Variants in MYRIP observed in about 807,000 individuals in gnomAD.
The protein encoded by MYRIP is rab effector MyRIP.
A neutral mutation model predicts 98.0 loss-of-function variants in MYRIP; 49 were observed. The observed-to-expected ratio is 0.50, with a 90% confidence interval of 0.40 to 0.63. The LOEUF is 0.63. Among genes scored for constraint, MYRIP ranks in the 30% least tolerant of loss-of-function variants. The probability of loss-of-function intolerance (pLI) is 0.00; values close to 1 mark genes in which losing one functional copy is unlikely to be tolerated. For missense variants in MYRIP, 1,004 were observed against 1,058.2 expected (o/e 0.95, Z 0.71); for synonymous variants, 404 against 409.5 (o/e 0.99, Z 0.16).
chr3:40,099,461 G>A (rs765225285), intron 3 of MYRIP, among the ~76,000 whole-genome samples: 14 of 152,142 alleles, frequency 9.2e-5, no homozygotes, highest in Non-Finnish European at 1.5e-4. Flanking sequence ...AAGATACTGA[G>A]GTTCATAGAA....
chr3:39,959,345 A>G (rs1418106978), intron 2 of MYRIP, among the ~76,000 whole-genome samples: 1 of 151,970 alleles, frequency 6.6e-6, no homozygotes, highest in Non-Finnish European at 1.5e-5. Flanking sequence ...ATGCAGCCAT[A>G]CAAAAGGATG....
chr3:40,087,963 G>A (rs1948661938), intron 3 of MYRIP, among the ~76,000 whole-genome samples: 1 of 152,178 alleles, frequency 6.6e-6, no homozygotes, highest in African/African-American at 2.4e-5. Flanking sequence ...GGGACAGACA[G>A]GAGACCCTAT....
intron 12 of MYRIP, among the ~76,000 whole-genome samples, chr3:40,238,354 A>C (rs1049947013): frequency 6.6e-6 from 1 of 152,190 alleles, no homozygotes; most frequent in African/African-American, 2.4e-5. Context: ...GCAGTGGGAG[A>C]AGCCAGGGCA....
At chr3:39,815,713 C>T (rs1044170543) in intron 1 of MYRIP, among the ~76,000 whole-genome samples, 2 of 152,124 alleles carry the variant, frequency 1.3e-5, no homozygotes, top group Admixed American at 6.5e-5. Context: ...GAATATTACA[C>T]TGCCTAGGGC....
chr3:39,826,352 A>ACGTT (rs1221519663), intron 1 of MYRIP, among the ~76,000 whole-genome samples: 1 of 151,860 alleles, frequency 6.6e-6, no homozygotes, highest in Non-Finnish European at 1.5e-5. Flanking sequence ...AGGTTTTGAT[A>ACGTT]CGTTGTGTTT....
intron 3 of MYRIP, among the ~76,000 whole-genome samples, chr3:40,073,389 C>T (rs1337533942): frequency 6.6e-6 from 1 of 152,200 alleles, no homozygotes. Context: ...TCGGACTCTT[C>T]CTGCCTCTGT....
chr3:40,070,932 T>A (rs1314583227), intron 3 of MYRIP, among the ~76,000 whole-genome samples: 2 of 152,176 alleles, frequency 1.3e-5, no homozygotes, highest in African/African-American at 4.8e-5. Flanking sequence ...TTCTATGTGG[T>A]GGATTATTGT....
At chr3:40,219,300 T>G (rs1219251120) in intron 11 of MYRIP, among the ~76,000 whole-genome samples, 1 of 152,194 alleles carries the variant, frequency 6.6e-6, no homozygotes, top group Admixed American at 6.6e-5. Flanking sequence ...AATATATGAT[T>G]GCATAAATAT....
intron 1 of MYRIP, among the ~76,000 whole-genome samples, chr3:39,867,937 G>A (rs1478953484): frequency 6.6e-6 from 1 of 152,172 alleles, no homozygotes; most frequent in Non-Finnish European, 1.5e-5. Flanking sequence ...GAAAAGGTGA[G>A]ATTGATATCA....
chr3:40,113,936 G>A (rs760045227), intron 3 of MYRIP, among the ~76,000 whole-genome samples: 8 of 152,014 alleles, frequency 5.3e-5, no homozygotes, highest in South Asian at 2.1e-4. Context: ...TGACCCGCCC[G>A]CCTTGGCCTC....
rs146926655 is a variant in MYRIP at position 40,030,767 on chromosome 3, G to T, written c.111-13283G>T. The stretch of plus-strand genomic sequence containing the variant: ...TTACTTCATTTATATAAAATGTTCA[G>T]AATAGGCAAACTCATAGAAACAGAA... On this transcript the variant is annotated intron_variant, in intron 2 of 16. Transcript: ENST00000302541. 5.0e-3 allele frequency among the ~76,000 whole-genome samples: 764 copies of T among 152,164 alleles called. 2 individuals carry two copies. Among genetic ancestry groups the T allele is most frequent in the Middle Eastern group, 0.027 (8 of 294 alleles).
chr3:39,813,310 G>A (rs1940764704), intron 1 of MYRIP, among the ~76,000 whole-genome samples: 1 of 152,146 alleles, frequency 6.6e-6, no homozygotes, highest in Non-Finnish European at 1.5e-5. Flanking sequence ...TATGGAGAAG[G>A]CTAAGTGGAC....
chr3:39,976,655 A>G (rs1330929007), intron 2 of MYRIP, among the ~76,000 whole-genome samples: 1 of 152,208 alleles, frequency 6.6e-6, no homozygotes, highest in Non-Finnish European at 1.5e-5. Flanking sequence ...CAAATGTCCA[A>G]CAATGATAGA....
intron 2 of MYRIP, among the ~76,000 whole-genome samples, chr3:40,037,325 T>C: frequency 6.6e-6 from 1 of 152,076 alleles, no homozygotes; most frequent in East Asian, 1.9e-4. Flanking sequence ...GTAAAGGGAC[T>C]TCCTTGTGAG....
chr3:40,229,096 G>A (rs1018790153), intron 11 of MYRIP, among the ~76,000 whole-genome samples: 6 of 152,188 alleles, frequency 3.9e-5, no homozygotes, highest in African/African-American at 7.2e-5. Context: ...GATTGCTAAC[G>A]AGCAGATATA....
At chr3:40,074,862 G>C (rs1414878395) in intron 3 of MYRIP, among the ~76,000 whole-genome samples, 1 of 152,094 alleles carries the variant, frequency 6.6e-6, no homozygotes, top group Non-Finnish European at 1.5e-5. Context: ...CATATGAAAA[G>C]ATATTTCACA....
intron 2 of MYRIP, among the ~76,000 whole-genome samples, chr3:40,019,535 G>A (rs535690391): frequency 6.6e-6 from 1 of 152,190 alleles, no homozygotes; most frequent in Non-Finnish European, 1.5e-5. Flanking sequence ...TTGTACCTCG[G>A]ACTTTGTTCT....
intron 2 of MYRIP, among the ~76,000 whole-genome samples, chr3:39,976,827 A>G (rs916281555): frequency 1.3e-5 from 2 of 152,158 alleles, no homozygotes; most frequent in African/African-American, 2.4e-5. Flanking sequence ...GTTCTCACTC[A>G]TAGGTAGAAA....
chr3:40,210,835 T>C (rs567093528), intron 11 of MYRIP, among the ~76,000 whole-genome samples: 1 of 152,198 alleles, frequency 6.6e-6, no homozygotes, highest in Admixed American at 6.5e-5. Flanking sequence ...TCCCTCCCCA[T>C]TGTCAGTGCT....
Sources: gnomAD v4.1 joint callset for allele counts (sites outside exome capture counted in the v4.1 genomes callset) on GRCh38, gnomAD v4.1.1 for gene constraint, MANE v1.5 for transcripts, NCBI Gene and HGNC (gene_info 2026-07-23, HGNC 2026-07-21) for gene names.